Variants in AMDHD1 observed in about 807,000 individuals in gnomAD.
The protein encoded by AMDHD1 is probable imidazolonepropionase.
Under a neutral mutation model 44.1 loss-of-function variants are expected in AMDHD1, and 45 were observed. That is an observed-to-expected ratio of 1.02 (90% CI 0.80 to 1.31). The LOEUF is 1.31. AMDHD1 is among the 50% of genes most tolerant of loss of function. The pLI is 0.00. For synonymous variants in AMDHD1, 206 were observed against 205.0 expected, an observed-to-expected ratio of 1.00 and a Z score of -0.04; for missense variants, 586 against 552.1, an observed-to-expected ratio of 1.06 and a Z score of -0.61.
In AMDHD1 at chr12:95,943,587, T is replaced by G. The variant is rs778715154; in HGVS notation, c.137+52T>G. 2.9e-6 allele frequency: 4 copies of G among 1,399,896 alleles called. No homozygotes were observed. The South Asian group carries it at 6.2e-5, about 22-fold the overall frequency. 86.7% of individuals were successfully genotyped at this position (1,399,896 alleles called of 1,614,324 possible). ...GACCGCCACGGGCGGAGCTGGCCGCTCTTCCTCTCACTGTGCACTCTGGAG... is the reference window on the plus strand; with the variant it reads ...GACCGCCACGGGCGGAGCTGGCCGCGCTTCCTCTCACTGTGCACTCTGGAG... On this transcript the variant is annotated intron_variant, in intron 1 of 8. Transcript: ENST00000266736.
intron 4 of AMDHD1, among the ~76,000 whole-genome samples, chr12:95,959,309 G>A (rs962661438): frequency 2.0e-5 from 3 of 152,182 alleles, no homozygotes; most frequent in East Asian, 1.9e-4. Flanking sequence ...CCTAAGTTAC[G>A]TGGCCACCAT....
rs1175105050 is a variant in AMDHD1, at chr12:95,943,436, A to G, written c.38A>G (p.Gln13Arg). Residue 13 changes from glutamine (Q) to arginine (R), a missense_variant, in exon 1 of 9, where the codon CAG becomes CGG. Transcript: ENST00000266736. ...CACAGCCTCCTGCTGGAGAACGCGC[A>G]GCAAGTGGTGCTGGTGTGCGCCCGC... The part of the protein sequence containing the change: ...SGHSLLLENA[Q>R]QVVLVCARGE... 6.6e-6 allele frequency: 10 copies of G among 1,507,076 alleles called. No homozygotes were observed. Among genetic ancestry groups the G allele is most frequent in the South Asian group, 2.4e-5 (2 of 81,718 alleles). 93.4% of individuals were successfully genotyped at this position (1,507,076 alleles called of 1,614,324 possible). A position where few individuals can be genotyped will look rare whatever the true frequency, so the allele number is the denominator to read the frequency against.
chr12:95,956,909 G>T lies in AMDHD1; in HGVS notation c.534G>T (p.Arg178=). The change falls in exon 4 of 9, where the codon CGG becomes CGT. Residue 178 remains arginine (R), a synonymous_variant. Coordinates refer to ENST00000266736, the MANE Select transcript of AMDHD1 (RefSeq NM_152435.3). ...TGCGCGTGATTGAGCGCGCCCGGCGGGAGCTGGACATCGGCATCTCGGCTA... is the reference window on the plus strand; with the variant it reads ...TGCGCGTGATTGAGCGCGCCCGGCGTGAGCTGGACATCGGCATCTCGGCTA... ...KMLRVIERAR[R]ELDIGISATY... 1.2e-6 allele frequency: 2 copies of T among 1,613,170 alleles called. No individual in the cohort carries two copies. The highest frequency in any genetic ancestry group is 1.7e-6 in the Non-Finnish European group (2 of 1,179,988).
In AMDHD1 at chr12:95,956,902, C is replaced by A. The variant is rs748317435; in HGVS notation, c.527C>A (p.Ala176Asp). The change falls in exon 4 of 9, where the codon GCC becomes GAC. Residue 176 changes from alanine to aspartate, a missense_variant. Transcript: ENST00000266736. ...ELKMLRVIER[A>D]RRELDIGISA... is the part of the protein sequence containing the mutation. Reference sequence around the variant, plus strand: ...AAGATGCTGCGCGTGATTGAGCGCGCCCGGCGGGAGCTGGACATCGGCATC... The same window carrying A: ...AAGATGCTGCGCGTGATTGAGCGCGACCGGCGGGAGCTGGACATCGGCATC... 3 of 1,613,368 alleles carry A rather than the reference C, an allele frequency of 1.9e-6. No homozygotes were observed. The South Asian group carries it at 3.3e-5, about 18-fold the overall frequency.
intron 1 of AMDHD1, among the ~76,000 whole-genome samples, chr12:95,949,284 T>G (rs1412340109): frequency 3.9e-5 from 6 of 152,028 alleles, no homozygotes; most frequent in Admixed American, 3.9e-4. Context: ...ACTGAGACAG[T>G]GTATGTGCCA....
At position 95,962,431 on chromosome 12, in the gene AMDHD1, CGGCCAGGT is replaced by C; in HGVS notation, c.892_899del (p.Ala298LeufsTer25). ...GATGAAGGCATCGTTGCCATGGCAA[CGGCCAGGT>C]GCTCTGCCATCCTTCTGCCCACCAC... is the stretch of plus-strand genomic sequence containing the variant. On this transcript the variant is annotated frameshift_variant, in exon 6 of 9. Coordinates refer to ENST00000266736, the MANE Select transcript of AMDHD1 (RefSeq NM_152435.3). LOFTEE classifies it high-confidence loss of function. 1 of 1,613,930 alleles carries C rather than the reference CGGCCAGGT, an allele frequency of 6.2e-7. No homozygotes were observed.
chr12:95,952,898 A>G, intron 2 of AMDHD1, 75 bp downstream of exon 2: 1 of 833,488 alleles, frequency 1.2e-6, no homozygotes, highest in Non-Finnish European at 2.0e-6. Flanking sequence ...AGGAAGAGTA[A>G]CAGCTTATTT....
chr12:95,964,517 A>T (rs1319185477), intron 6 of AMDHD1, among the ~76,000 whole-genome samples: 1 of 152,030 alleles, frequency 6.6e-6, no homozygotes, highest in Non-Finnish European at 1.5e-5. Context: ...TATTTATGGA[A>T]GGGGGGGAGG....
intron 3 of AMDHD1, among the ~76,000 whole-genome samples, chr12:95,956,392 G>A (rs962088573): frequency 6.6e-6 from 1 of 152,166 alleles, no homozygotes; most frequent in African/African-American, 2.4e-5. Context: ...ACAGGCGTGA[G>A]CCACCGCGCC....
intron 2 of AMDHD1, 48 bp downstream of exon 2, chr12:95,952,871 G>C (rs368206401): frequency 9.8e-6 from 11 of 1,117,842 alleles, no homozygotes; most frequent in South Asian, 5.3e-5. Flanking sequence ...TTTAACAGTT[G>C]CTCCTGAAAT....
chr12:95,950,717 G>A (rs4762647), intron 1 of AMDHD1, among the ~76,000 whole-genome samples: 97,369 of 151,976 alleles, frequency 0.64, 32,090 homozygotes, highest in East Asian at 0.95. Context: ...ATCTCTAGTT[G>A]TGGTGTCTGC....
intron 1 of AMDHD1, among the ~76,000 whole-genome samples, chr12:95,947,681 G>A (rs2080503253): frequency 1.6e-5 from 1 of 63,208 alleles, no homozygotes; most frequent in Admixed American, 1.5e-4. Flanking sequence ...GGGCGCCTCT[G>A]CCCGGCCAGC....
chr12:95,949,140 T>TTA (rs2080514438), intron 1 of AMDHD1, among the ~76,000 whole-genome samples: 2 of 4,460 alleles, frequency 4.5e-4, no homozygotes, highest in African/African-American at 3.6e-3. Flanking sequence ...AAAAATAAAT[T>TTA]AAAAAAAAAA....
Position 95,967,789 on chromosome 12 carries a change from T to C in AMDHD1, c.1227T>C (p.His409=). ...ATTTGATTTACCAGTTCGGAGGCCA[T>C]CATGAATTAATTGAATATGTTATAG... ...WEHLIYQFGG[H]HELIEYVIAK... is the part of the protein sequence containing the mutation. Residue 409 remains histidine (H), a synonymous_variant, in exon 9 of 9, where the codon CAT becomes CAC. Coordinates refer to ENST00000266736, the MANE Select transcript of AMDHD1 (RefSeq NM_152435.3). The C allele has an allele frequency of 1.9e-6, 3 of 1,577,090 alleles. No individual in the cohort carries two copies. The highest frequency in any genetic ancestry group is 2.6e-6 in the Non-Finnish European group (3 of 1,158,064).
intron 7 of AMDHD1, 124 bp downstream of exon 7, chr12:95,965,903 GA>G: frequency 3.2e-5 from 21 of 663,692 alleles, no homozygotes; most frequent in Admixed American, 7.2e-5. Context: ...TGTGAAACAA[GA>G]AAAAAAGGGG....
intron 6 of AMDHD1, among the ~76,000 whole-genome samples, chr12:95,963,921 C>T (rs1422277411): frequency 2.7e-5 from 4 of 150,348 alleles, no homozygotes; most frequent in African/African-American, 7.4e-5. Context: ...CCCAACTACT[C>T]GGGAGGCTGA....
intron 3 of AMDHD1, among the ~76,000 whole-genome samples, chr12:95,956,236 G>A (rs2080548916): frequency 1.3e-5 from 2 of 152,204 alleles, no homozygotes. Flanking sequence ...AGCCTCCAGA[G>A]TAGCTGGGGC....
At chr12:95,951,592 T>C (rs113286334) in intron 1 of AMDHD1, among the ~76,000 whole-genome samples, 1,892 of 152,332 alleles carry the variant, frequency 0.012, 34 homozygotes, top group African/African-American at 0.044. Context: ...TCCTTTCTTT[T>C]GCATATAGAT....
At chr12:95,945,882 G>A (rs11836761) in intron 1 of AMDHD1, among the ~76,000 whole-genome samples, 2 of 151,890 alleles carry the variant, frequency 1.3e-5, no homozygotes, top group Non-Finnish European at 2.9e-5. Flanking sequence ...ATATGCTATA[G>A]ATATATAAAA....
Sources: gnomAD v4.1 joint callset for allele counts (sites outside exome capture counted in the v4.1 genomes callset) on GRCh38, gnomAD v4.1.1 for gene constraint, MANE v1.5 for transcripts, NCBI Gene and HGNC (gene_info 2026-07-23, HGNC 2026-07-21) for gene names.